Variants in KIF1A observed in about 807,000 individuals in gnomAD.
KIF1A encodes kinesin-like protein KIF1A.
KIF1A carries 46 observed loss-of-function variants against 227.3 expected under a neutral mutation model. The ratio of observed to expected loss-of-function variants is 0.20; its 90% confidence interval spans 0.16 to 0.26. KIF1A has a LOEUF of 0.26. Ranked by LOEUF, KIF1A falls within the 10% of genes least tolerant of loss-of-function variation. The pLI, the probability that KIF1A is intolerant of heterozygous loss-of-function variation, is 1.00. For missense variants in KIF1A, 1,683 were observed against 2,485.9 expected (o/e 0.68, Z 6.87); for synonymous variants, 1,022 against 1,012.8 (o/e 1.01, Z -0.17).
intron 27 of KIF1A, 149 bp from the exon 28 acceptor site, chr2:240,750,696 A>C: frequency 1.6e-6 from 1 of 639,102 alleles, no homozygotes; most frequent in Non-Finnish European, 2.8e-6. Flanking sequence ...CCAGGACAGC[A>C]AGAGCGGGCG....
chr2:240,722,347 C>A, intron 43 of KIF1A, 109 bp downstream of exon 43: 1 of 1,063,208 alleles, frequency 9.4e-7, no homozygotes, highest in South Asian at 1.5e-5. Context: ...CCTGGTGGTG[C>A]TAACCAGAGC....
At chr2:240,797,966 C>A (rs762759975) in intron 1 of KIF1A, 154 bp from the exon 2 acceptor site, 1 of 492,928 alleles carries the variant, frequency 2.0e-6, no homozygotes, top group Non-Finnish European at 3.6e-6. Flanking sequence ...GAGGAGGCAG[C>A]GCAGATAATT....
rs888147182 is a variant in KIF1A at position 240,752,647 on chromosome 2, G to A, written c.2859-2100C>T. ...TGGGGGAGACATAATGAGACCAGAC[G>A]GGACAGCCCATGCTGTGGGGCTCTG... is the stretch of plus-strand genomic sequence containing the variant. On this transcript the variant is annotated intron_variant, in intron 27 of 48. Transcript: ENST00000498729. This position sits in a 1 kb window ranked among gnomAD's most constrained non-coding sequence, Gnocchi z 6.4. Among the ~76,000 whole-genome samples the A allele has an allele frequency of 2.6e-5, 4 of 152,250 alleles. No individual in the cohort carries two copies. Among genetic ancestry groups the A allele is most frequent in the Non-Finnish European group, 2.9e-5 (2 of 67,996 alleles).
chr2:240,765,343 G>A (rs1431882253), intron 20 of KIF1A, among the ~76,000 whole-genome samples: 2 of 152,246 alleles, frequency 1.3e-5, no homozygotes, highest in Non-Finnish European at 2.9e-5. Context: ...TCAGCTCTGG[G>A]AAGCCCTTGT....
Position 240,717,322 on chromosome 2 carries a change from G to A in KIF1A, c.*42C>T. Reference sequence around the variant, plus strand: ...GACAGGACAGACGAGGATGAGGGAGGGGATGGGCTGGGCCTGCCGGCTGTC... The same window carrying A: ...GACAGGACAGACGAGGATGAGGGAGAGGATGGGCTGGGCCTGCCGGCTGTC... On this transcript the variant is annotated 3_prime_UTR_variant, in exon 49 of 49. Transcript: ENST00000498729. The A allele has an allele frequency of 6.3e-7, 1 of 1,581,744 alleles. No homozygotes were observed. The highest frequency in any genetic ancestry group is 8.7e-7 in the Non-Finnish European group (1 of 1,154,440).
chr2:240,718,894 TG>T, intron 47 of KIF1A, 111 bp downstream of exon 47: 1 of 845,350 alleles, frequency 1.2e-6, no homozygotes, highest in Non-Finnish European at 1.9e-6. Context: ...GGACGGAGTC[TG>T]GGGTGAGCAG....
chr2:240,717,278 G>C lies in KIF1A; in HGVS notation c.*86C>G. ...CCCGGTCGTGGGCTGTCTGGCAGGA[G>C]AGGGGCTGGGCGGCAGGTGACAGGA... is the stretch of plus-strand genomic sequence containing the variant. On this transcript the variant is annotated 3_prime_UTR_variant, in exon 49 of 49. Transcript: ENST00000498729. 7.5e-7 allele frequency: 1 copy of C among 1,336,772 alleles called. No homozygotes were observed. Among genetic ancestry groups the C allele is most frequent in the Non-Finnish European group, 1.1e-6 (1 of 942,792 alleles). 82.8% of individuals were successfully genotyped at this position (1,336,772 alleles called of 1,614,324 possible). A position where few individuals can be genotyped will look rare whatever the true frequency, so the allele number is the denominator to read the frequency against.
chr2:240,771,265 C>A, intron 14 of KIF1A, 161 bp from the exon 15 acceptor site: 1 of 840,728 alleles, frequency 1.2e-6, no homozygotes, highest in Non-Finnish European at 1.9e-6. Flanking sequence ...GAGATGGGGC[C>A]CAGAGAAGGC....
chr2:240,751,662 G>C (rs966160430), intron 27 of KIF1A, among the ~76,000 whole-genome samples: 1 of 152,116 alleles, frequency 6.6e-6, no homozygotes, highest in African/African-American at 2.4e-5. Flanking sequence ...CAGACAGAAA[G>C]GTCTTAAGGC....
intron 38 of KIF1A, among the ~76,000 whole-genome samples, chr2:240,732,882 T>G (rs1441032817): frequency 1.1e-4 from 5 of 47,034 alleles, no homozygotes; most frequent in Non-Finnish European, 1.6e-4. Context: ...GAGGGAGGGA[T>G]GAGGGGGAAT....
chr2:240,770,840 G>A lies in KIF1A; in HGVS notation c.1341+131C>T, dbSNP rs973209088. The stretch of plus-strand genomic sequence containing the variant: ...GGCACCTGGGTGGCCACACGCCAGA[G>A]GCTCCTGCTGATGCTCCACAATGGC... On this transcript the variant is annotated intron_variant, in intron 15 of 48. Transcript: ENST00000498729. The A allele has an allele frequency of 5.1e-6, 6 of 1,170,448 alleles. No individual in the cohort carries two copies. The African/African-American group carries it at 7.7e-5, about 15-fold the overall frequency. 72.5% of individuals were successfully genotyped at this position (1,170,448 alleles called of 1,614,324 possible).
intron 1 of KIF1A, among the ~76,000 whole-genome samples, chr2:240,801,424 A>C (rs1261526851): frequency 6.6e-6 from 1 of 152,272 alleles, no homozygotes; most frequent in East Asian, 1.9e-4. Context: ...GACAGGTAAT[A>C]GAAATATAGA....
chr2:240,744,331 G>A (rs993352097), intron 32 of KIF1A, among the ~76,000 whole-genome samples: 10 of 152,270 alleles, frequency 6.6e-5, no homozygotes, highest in African/African-American at 1.7e-4. Context: ...TTCAGAACAC[G>A]GAGCTGGGAA....
At chr2:240,819,519 C>G (rs1432358050) in intron 1 of KIF1A, among the ~76,000 whole-genome samples, 1 of 152,046 alleles carries the variant, frequency 6.6e-6, no homozygotes, top group East Asian at 1.9e-4. Flanking sequence ...GCCCCCGCCC[C>G]GCCCGCCTGT....
chr2:240,753,921 C>G (rs933259149), intron 27 of KIF1A, among the ~76,000 whole-genome samples: 2 of 152,206 alleles, frequency 1.3e-5, no homozygotes, highest in African/African-American at 4.8e-5. Flanking sequence ...CCAAGCTCCA[C>G]CACCTACTTC....
Position 240,719,180 on chromosome 2 carries a change from C to G in KIF1A, c.5040G>C (p.Lys1680Asn). The stretch of plus-strand genomic sequence containing the variant: ...GCGGCTCCAGGAAGTGCAGGTACCC[C>G]TTCTTGGAAACGATCGGGCTGAAGG... The part of the protein sequence containing the change: ...EIRVSPIVSK[K>N]GYLHFLEPHT... Residue 1680 changes from lysine (K) to asparagine (N), a missense_variant, in exon 47 of 49, where the codon AAG (lysine) becomes AAC (asparagine). Lys to Asn is a moderately conservative substitution (Grantham distance 94). Transcript: ENST00000498729. The G allele has an allele frequency of 6.2e-7, 1 of 1,606,346 alleles. No homozygotes were observed. The highest frequency in any genetic ancestry group is 1.1e-5 in the South Asian group (1 of 90,292).
intron 34 of KIF1A, among the ~76,000 whole-genome samples, chr2:240,742,560 T>C (rs1044536772): frequency 3.9e-5 from 6 of 152,180 alleles, no homozygotes; most frequent in African/African-American, 1.4e-4. Context: ...CCCCACACTC[T>C]CGCTCCCACC....
Position 240,789,096 on chromosome 2 carries a change from G to T in KIF1A, c.183+140C>A. 1 of 679,160 alleles carries T rather than the reference G, an allele frequency of 1.5e-6. No homozygotes were observed. 42.1% of individuals were successfully genotyped at this position (679,160 alleles called of 1,614,324 possible). A position where few individuals can be genotyped will look rare whatever the true frequency, so the allele number is the denominator to read the frequency against. ...CTGCCTTCGCTGAGGACCGCTCAGG[G>T]TGACCTTCCAGGGGAGCAGGGTGGG... On this transcript the variant is annotated intron_variant, in intron 3 of 48. Transcript: ENST00000498729. This position sits in a 1 kb window ranked among gnomAD's most constrained non-coding sequence, Gnocchi z 4.8.
Position 240,740,018 on chromosome 2 carries a change from T to G in KIF1A, c.3901+40A>C. 6.6e-7 allele frequency: 1 copy of G among 1,508,352 alleles called. No individual in the cohort carries two copies. Among genetic ancestry groups the G allele is most frequent in the Non-Finnish European group, 9.0e-7 (1 of 1,106,208 alleles). 93.4% of individuals were successfully genotyped at this position (1,508,352 alleles called of 1,614,324 possible). On this transcript the variant is annotated intron_variant, in intron 37 of 48. Transcript: ENST00000498729. This position sits in a 1 kb window ranked among gnomAD's most constrained non-coding sequence, Gnocchi z 6.1. ...CAGGGCCTGTACTCTTCCCACCAGC[T>G]CAGCCCCACCCACCAAGGCAGCCCC...
Sources: gnomAD v4.1 joint callset for allele counts (sites outside exome capture counted in the v4.1 genomes callset) on GRCh38, gnomAD v4.1.1 for gene constraint, Gnocchi (gnomAD v3.1) non-coding constraint, MANE v1.5 for transcripts, NCBI Gene and HGNC (gene_info 2026-07-23, HGNC 2026-07-21) for gene names.